The following AKR7A3 variants were observed in gnomAD, a reference collection of about 807,000 sequenced individuals.
AKR7A3 encodes AFB1 aldehyde reductase 2.
Under a neutral mutation model 32.5 loss-of-function variants are expected in AKR7A3, and 37 were observed. The observed-to-expected ratio is 1.14, with a 90% CI of 0.88 to 1.50. The LOEUF (loss-of-function observed/expected upper bound fraction) is 1.50, where lower values mean the gene tolerates loss of function less well. AKR7A3 is among the 40% of genes most tolerant of loss of function. The probability of loss-of-function intolerance (pLI) is 0.00; values close to 1 mark genes in which losing one functional copy is unlikely to be tolerated. For synonymous variants in AKR7A3, 177 were observed against 188.4 expected, an observed-to-expected ratio of 0.94 and a Z score of 0.50; for missense variants, 412 against 453.2, an observed-to-expected ratio of 0.91 and a Z score of 0.83.
chr1:19,280,849 T>G (rs146253990), downstream of AKR7A3, among the ~76,000 whole-genome samples: 5 of 151,658 alleles, frequency 3.3e-5, no homozygotes, highest in Non-Finnish European at 7.4e-5. Flanking sequence ...GGATTACAGG[T>G]ATGAGCCACC....
intron 1 of AKR7A3, 135 bp from the exon 2 acceptor site, chr1:19,286,507 C>T (rs2093730279): frequency 1.1e-6 from 1 of 883,264 alleles, no homozygotes; most frequent in African/African-American, 1.7e-5. Context: ...TGGTGAAACC[C>T]CATCTCTAAT....
At chr1:19,276,173 C>T in the AKR7A3 span, among the ~76,000 whole-genome samples, 1 of 151,246 alleles carries the variant, frequency 6.6e-6, no homozygotes, top group African/African-American at 2.4e-5. Flanking sequence ...TCAGCCTGGC[C>T]AAGATGGTGA....
At chr1:19,284,376 C>T (rs1008549011) in intron 5 of AKR7A3, among the ~76,000 whole-genome samples, 6 of 151,936 alleles carry the variant, frequency 3.9e-5, no homozygotes, top group Non-Finnish European at 7.3e-5. Flanking sequence ...GACACAAAGG[C>T]CGCTAAGATG....
chr1:19,288,488 A>G lies in AKR7A3; in HGVS notation c.214+8T>C, dbSNP rs1248497248. 6.2e-7 allele frequency: 1 copy of G among 1,609,852 alleles called. No homozygotes were observed. The highest frequency in any genetic ancestry group is 8.5e-7 in the Non-Finnish European group (1 of 1,179,114). ...CCGTGCAGGGGGAGGATCAGGGGCCACTGTTACCTCTGCAGTCGCTGCCGC... is the reference window on the plus strand; with the variant it reads ...CCGTGCAGGGGGAGGATCAGGGGCCGCTGTTACCTCTGCAGTCGCTGCCGC... On this transcript the variant is annotated splice_region_variant and intron_variant, in intron 1 of 6. Coordinates refer to ENST00000361640, the MANE Select transcript of AKR7A3 (RefSeq NM_012067.3).
downstream of AKR7A3, among the ~76,000 whole-genome samples, chr1:19,281,245 A>G (rs2093718426): frequency 6.6e-6 from 1 of 151,782 alleles, no homozygotes; most frequent in South Asian, 2.1e-4. Flanking sequence ...AGAAAGTGGG[A>G]GTCCTCCAAC....
rs1321355831 is a variant in AKR7A3 at position 19,282,909 on chromosome 1, C to T, written c.835-17G>A. 6.2e-7 allele frequency: 1 copy of T among 1,605,516 alleles called. No homozygotes were observed. The highest frequency in any genetic ancestry group is 8.5e-7 in the Non-Finnish European group (1 of 1,173,572). On this transcript the variant is annotated splice_polypyrimidine_tract_variant and intron_variant, in intron 6 of 6. Transcript: ENST00000361640. ...GTGGGCACCCTGCAAGGGAGACGGC[C>T]AGACTTCAACCCTCTTCTGCTGCAC...
chr1:19,285,817 C>T, intron 3 of AKR7A3, 71 bp downstream of exon 3: 1 of 1,591,820 alleles, frequency 6.3e-7, no homozygotes, highest in Admixed American at 1.7e-5. Flanking sequence ...AGGGGGCAGT[C>T]AGAGGGGCAA....
rs1386368863 is a variant in AKR7A3, at chr1:19,288,636, G to C, written c.74C>G (p.Ala25Gly). ...GAMEMGRRMD[A>G]PTSAAVTRAF... ...GCGCGTGACTGCGGCGCTGGTGGGC[G>C]CGTCCATGCGGCGCCCCATCTCCAT... The change falls in exon 1 of 7, where the codon GCG becomes GGG. Residue 25 changes from alanine (A) to glycine (G), a missense_variant. Coordinates refer to ENST00000361640, the MANE Select transcript of AKR7A3 (RefSeq NM_012067.3). The C allele has an allele frequency of 7.1e-6, 11 of 1,551,886 alleles. No individual in the cohort carries two copies. The highest frequency in any genetic ancestry group is 1.4e-5 in the African/African-American group (1 of 73,454).
chr1:19,280,387 G>T (rs2093716932), downstream of AKR7A3, among the ~76,000 whole-genome samples: 1 of 151,548 alleles, frequency 6.6e-6, no homozygotes, highest in African/African-American at 2.4e-5. Context: ...GGGATTACAG[G>T]AGTGTGCCAC....
chr1:19,280,859 C>A (rs1244742078), downstream of AKR7A3, among the ~76,000 whole-genome samples: 2 of 151,778 alleles, frequency 1.3e-5, no homozygotes, highest in African/African-American at 4.9e-5. Context: ...TATGAGCCAC[C>A]GCGCCCGGCC....
At chr1:19,288,362 TG>T in intron 1 of AKR7A3, 133 bp downstream of exon 1, 1 of 1,075,884 alleles carries the variant, frequency 9.3e-7, no homozygotes, top group Non-Finnish European at 1.2e-6. Flanking sequence ...GGCTGCGAGG[TG>T]AACAGGGGTG....
In AKR7A3 at chr1:19,284,916, C is replaced by A. The variant is rs1968022; in HGVS notation, c.604+102G>T. On this transcript the variant is annotated intron_variant, in intron 4 of 6. Coordinates refer to ENST00000361640, the MANE Select transcript of AKR7A3 (RefSeq NM_012067.3). ...GATGCAGCCTTTACGTCTTTGACCT[C>A]AGAGGTCAAAGTTTGTCAAACCCTC... 623 of 1,579,390 alleles carry A rather than the reference C, an allele frequency of 3.9e-4. 7 individuals are homozygous for A. Among genetic ancestry groups the A allele is most frequent in the African/African-American group, 3.5e-3 (260 of 73,460 alleles).
intron 6 of AKR7A3, 43 bp from the exon 7 acceptor site, chr1:19,282,935 A>G (rs774931990): frequency 1.9e-6 from 3 of 1,591,794 alleles, no homozygotes; most frequent in South Asian, 2.2e-5. Context: ...TCTGCTGCAC[A>G]GCGACTCTAC....
intron 2 of AKR7A3, 53 bp from the exon 3 acceptor site, chr1:19,286,045 G>A (rs2151982209): frequency 6.2e-7 from 1 of 1,608,654 alleles, no homozygotes; most frequent in Non-Finnish European, 8.5e-7. Flanking sequence ...CCAGGAAAGG[G>A]AGGCCAGGGT....
chr1:19,284,937 C>A, intron 4 of AKR7A3, 81 bp downstream of exon 4: 1 of 1,603,070 alleles, frequency 6.2e-7, no homozygotes, highest in South Asian at 1.1e-5. Flanking sequence ...GTTTGTCAAA[C>A]CCTCCTTGCT....
At chr1:19,282,300 T>G (rs2093719988), downstream of AKR7A3, among the ~76,000 whole-genome samples, 1 of 143,308 alleles carries the variant, frequency 7.0e-6, no homozygotes, top group Non-Finnish European at 1.6e-5. Flanking sequence ...TCCAGCTCTA[T>G]GAGTTCACAC....
chr1:19,275,197 G>A, the AKR7A3 span, among the ~76,000 whole-genome samples: 1 of 151,232 alleles, frequency 6.6e-6, no homozygotes, highest in African/African-American at 2.4e-5. Context: ...GATCACCTGA[G>A]GTCAAGAGTT....
downstream of AKR7A3, among the ~76,000 whole-genome samples, chr1:19,277,670 G>A (rs1024928965): frequency 7.9e-5 from 12 of 151,812 alleles, no homozygotes; most frequent in Admixed American, 1.3e-4. Flanking sequence ...ACAGGCATGT[G>A]CCACCACACC....
intron 6 of AKR7A3, among the ~76,000 whole-genome samples, chr1:19,283,719 T>A (rs2093722904): frequency 6.6e-6 from 1 of 151,756 alleles, no homozygotes. Context: ...TAATCCCAGC[T>A]ACTGGGGAGG....
Sources: allele counts gnomAD v4.1 joint callset (sites outside exome capture counted in the v4.1 genomes callset), GRCh38; gene constraint gnomAD v4.1.1; transcripts MANE v1.5; gene names NCBI Gene and HGNC (gene_info 2026-07-23, HGNC 2026-07-21).